ANXA8L1: variants seen among roughly 807,000 people sequenced by gnomAD.
The protein encoded by ANXA8L1 is annexin A8-like protein 1.
ANXA8L1 carries 10 observed loss-of-function variants against 22.5 expected under a neutral mutation model. That is an observed-to-expected ratio of 0.44 (90% CI 0.27 to 0.75). The LOEUF is 0.75. ANXA8L1 is among the 30% of genes least tolerant of loss of function. The pLI is 0.15. For missense variants in ANXA8L1, 88 were observed against 219.6 expected (o/e 0.40, Z 3.79); for synonymous variants, 36 against 86.0 (o/e 0.42, Z 3.22).
At position 46,384,766 on chromosome 10, in the gene ANXA8L1, G is replaced by C. The variant is rs1840014552; in HGVS notation, c.493-8G>C. The C allele has an allele frequency of 3.7e-6, 6 of 1,613,074 alleles. No individual in the cohort carries two copies. The highest frequency in any genetic ancestry group is 3.3e-5 in the Admixed American group (2 of 59,940). ...CCTGCCTTACAGAGCCACCTCCTCT[G>C]TTCCTAGGGCAGCAGGGATGATGTG... On this transcript the variant is annotated splice_region_variant and splice_polypyrimidine_tract_variant and intron_variant, in intron 6 of 11. Transcript: ENST00000619162.
chr10:46,376,056 C>A, intron 1 of ANXA8L1, 184 bp downstream of exon 1: 1 of 970,886 alleles, frequency 1.0e-6, no homozygotes, highest in Non-Finnish European at 1.6e-6. Context: ...CCTAGAGTGC[C>A]CACGGCAGGG....
chr10:46,385,923 C>G, intron 9 of ANXA8L1, 116 bp downstream of exon 9: 1 of 162,246 alleles, frequency 6.2e-6, no homozygotes, highest in Non-Finnish European at 1.2e-5. Flanking sequence ...GTCACCTTCA[C>G]GGGATGTCCC....
At chr10:46,381,413 C>G in intron 3 of ANXA8L1, 173 bp downstream of exon 3, 1 of 802,240 alleles carries the variant, frequency 1.2e-6, no homozygotes, top group Non-Finnish European at 1.9e-6. Context: ...TCAAATGTAA[C>G]TGGCTGCCCT....
intron 1 of ANXA8L1, among the ~76,000 whole-genome samples, chr10:46,377,661 G>T (rs1441241240): frequency 4.4e-5 from 4 of 90,810 alleles, no homozygotes; most frequent in African/African-American, 1.6e-4. Flanking sequence ...GCCAGGAACG[G>T]GATGGGAGGA....
At chr10:46,389,471 A>T (rs541246427) in intron 11 of ANXA8L1, among the ~76,000 whole-genome samples, 96 of 149,594 alleles carry the variant, frequency 6.4e-4, no homozygotes, top group Non-Finnish European at 1.1e-3. Context: ...CCCTCTTCAA[A>T]TTTTATCTAA....
At position 46,383,670 on chromosome 10, in the gene ANXA8L1, C is replaced by T. The variant is rs1354354790; in HGVS notation, c.412+124C>T. On this transcript the variant is annotated intron_variant, in intron 5 of 11. Coordinates refer to ENST00000619162, the MANE Select transcript of ANXA8L1 (RefSeq NM_001098845.3). ...AGGACCCTTTGGGGACTTTTTTACCCACAGGTGCTGAGCACCTACCGTATG... is the reference window on the plus strand; with the variant it reads ...AGGACCCTTTGGGGACTTTTTTACCTACAGGTGCTGAGCACCTACCGTATG... 159 of 263,798 alleles carry T rather than the reference C, an allele frequency of 6.0e-4. No individual in the cohort carries two copies. In the East Asian group the frequency reaches 7.2e-3, roughly 12 times the overall value. The allele number at this position is 263,798 out of a possible 1,614,324, so 16.3% of individuals were successfully genotyped here.
rs1413234326 is a variant in ANXA8L1, at chr10:46,385,624, G to A, written c.647-88G>A. ...CCAGCCACCAGTGGGAGGTCAGGGC[G>A]GCAAATTGATGTGCGATCTCTGATC... On this transcript the variant is annotated intron_variant, in intron 8 of 11. Transcript: ENST00000619162. 29 of 384,158 alleles carry A rather than the reference G, an allele frequency of 7.5e-5. 4 individuals are homozygous for A. The highest frequency in any genetic ancestry group is 1.6e-4 in the African/African-American group (3 of 18,342). The allele number at this position is 384,158 out of a possible 1,614,324, so 23.8% of individuals were successfully genotyped here. A position where few individuals can be genotyped will look rare whatever the true frequency, so the allele number is the denominator to read the frequency against.
chr10:46,391,028 C>T lies in ANXA8L1; in HGVS notation c.*98C>T, dbSNP rs1554975634. ...CGCAGGTTGGGTGTGAGGGGGGTCC[C>T]AGCCTTTCGGTCTTCTATTTCCCTA... is the stretch of plus-strand genomic sequence containing the variant. On this transcript the variant is annotated 3_prime_UTR_variant, in exon 12 of 12. Coordinates refer to ENST00000619162, the MANE Select transcript of ANXA8L1 (RefSeq NM_001098845.3). The T allele has an allele frequency of 1.0e-6, 1 of 972,880 alleles. No individual in the cohort carries two copies. The highest frequency in any genetic ancestry group is 2.5e-5 in the East Asian group (1 of 39,800). 60.3% of individuals were successfully genotyped at this position (972,880 alleles called of 1,614,324 possible).
intron 1 of ANXA8L1, among the ~76,000 whole-genome samples, chr10:46,378,486 AC>A (rs1839957099): frequency 1.1e-5 from 1 of 93,342 alleles, no homozygotes; most frequent in Non-Finnish European, 2.1e-5. Context: ...ATCAGTACTT[AC>A]CTAGCACAAC....
rs1331876224 is a variant in ANXA8L1, at chr10:46,385,447, C to T, written c.620C>T (p.Thr207Met). 4.6e-5 allele frequency: 53 copies of T among 1,164,166 alleles called. 11 individuals are homozygous for T. The highest frequency in any genetic ancestry group is 3.6e-4 in the Admixed American group (16 of 44,538). 72.1% of individuals were successfully genotyped at this position (1,164,166 alleles called of 1,614,324 possible). The change falls in exon 8 of 12, where the codon ACG (threonine) becomes ATG (methionine). Residue 207 changes from threonine to methionine, a missense_variant. Thr to Met is a moderately conservative substitution (Grantham distance 81, BLOSUM62 -1). Transcript: ENST00000619162. Reference sequence around the variant, plus strand: ...ATGAAATTCATCACCATCCTGTGCACGCGCAGTGCCACTCACCTGCTGAGA... The same window carrying T: ...ATGAAATTCATCACCATCCTGTGCATGCGCAGTGCCACTCACCTGCTGAGA... ...DEMKFITILC[T>M]RSATHLLRVF...
At chr10:46,381,323 A>G in intron 3 of ANXA8L1, 83 bp downstream of exon 3, 3 of 824,382 alleles carry the variant, frequency 3.6e-6, no homozygotes, top group Non-Finnish European at 5.3e-6. Context: ...ATTCTGGACG[A>G]CTTTCCCCTA....
rs1218428941 is a variant in ANXA8L1, at chr10:46,384,831, C to G, written c.550C>G (p.Gln184Glu). The G allele has an allele frequency of 2.5e-6, 4 of 1,612,862 alleles. No homozygotes were observed. The highest frequency in any genetic ancestry group is 3.3e-5 in the Admixed American group (2 of 59,920). ...VDPALALQDA[Q>E]DLYAAGEKIR... ...CCCGGCACTGGCCCTCCAAGACGCA[C>G]AGGTGAGGCTGCGCCCAGCCGGCCA... Residue 184 changes from glutamine to glutamate, a missense_variant and splice_region_variant, in exon 7 of 12, where the codon CAG (glutamine) becomes GAG (glutamate). Coordinates refer to ENST00000619162, the MANE Select transcript of ANXA8L1 (RefSeq NM_001098845.3).
intron 11 of ANXA8L1, among the ~76,000 whole-genome samples, chr10:46,388,831 GA>G (rs2133016743): frequency 6.6e-6 from 1 of 151,648 alleles, no homozygotes; most frequent in East Asian, 1.9e-4. Flanking sequence ...AGCCACCTCT[GA>G]ATAGTCAATG....
chr10:46,391,253 G>A lies in ANXA8L1; in HGVS notation c.*323G>A, dbSNP rs1840082642. ...CTCCCTGCAGGAGCTTCCCAAGCTGGTCACAGAGTCTCCTGGGCACAGGTT... is the reference window on the plus strand; with the variant it reads ...CTCCCTGCAGGAGCTTCCCAAGCTGATCACAGAGTCTCCTGGGCACAGGTT... On this transcript the variant is annotated 3_prime_UTR_variant, in exon 12 of 12. Transcript: ENST00000619162. The A allele has an allele frequency of 4.7e-6, 1 of 212,694 alleles. No homozygotes were observed. The highest frequency in any genetic ancestry group is 5.9e-5 in the East Asian group (1 of 17,028). The allele number at this position is 212,694 out of a possible 1,614,324, so 13.2% of individuals were successfully genotyped here.
chr10:46,381,038 G>T, intron 2 of ANXA8L1, 108 bp from the exon 3 acceptor site: 1 of 343,994 alleles, frequency 2.9e-6, no homozygotes, highest in Middle Eastern at 7.1e-4. Flanking sequence ...CCAGGTGTCG[G>T]GTCCCAACTG....
At chr10:46,377,537 GGTCGTCCATACCCCAT>G (rs1839943226) in intron 1 of ANXA8L1, among the ~76,000 whole-genome samples, 1 of 112,798 alleles carries the variant, frequency 8.9e-6, no homozygotes, top group Admixed American at 9.8e-5. Flanking sequence ...ACCATACCCT[GGTCGTCCATACCCCAT>G]GTGAGAGCTG....
chr10:46,390,018 G>A (rs1840060387), intron 11 of ANXA8L1, among the ~76,000 whole-genome samples: 3 of 151,130 alleles, frequency 2.0e-5, no homozygotes. Context: ...AGTGTGGAAA[G>A]TGGGTCTAGC....
Position 46,382,609 on chromosome 10 carries a change from A to G in ANXA8L1, c.238A>G (p.Ser80Gly). 1 of 1,288,976 alleles carries G rather than the reference A, an allele frequency of 7.8e-7. No homozygotes were observed. Among genetic ancestry groups the G allele is most frequent in the Non-Finnish European group, 1.1e-6 (1 of 948,680 alleles). The allele number at this position is 1,288,976 out of a possible 1,614,324, so 79.8% of individuals were successfully genotyped here. A position where few individuals can be genotyped will look rare whatever the true frequency, so the allele number is the denominator to read the frequency against. The change falls in exon 4 of 12, where the codon AGT (serine) becomes GGT (glycine). Residue 80 changes from serine to glycine, a missense_variant. Physicochemically the swap from Ser to Gly is moderately conservative, Grantham distance 56 (BLOSUM62 0). Coordinates refer to ENST00000619162, the MANE Select transcript of ANXA8L1 (RefSeq NM_001098845.3). ...CACTGAGACCTTGAAGTCTGAGCTC[A>G]GTGGCAAGTTTGAGAGGCTCATTGT... ...DLTETLKSEL[S>G]GKFERLIVAL...
intron 7 of ANXA8L1, 100 bp downstream of exon 7, chr10:46,384,933 A>C (rs1252916561): frequency 3.8e-6 from 6 of 1,568,650 alleles, no homozygotes; most frequent in East Asian, 2.2e-5. Context: ...GCTGGGACCC[A>C]CCCAGCTCAG....
Sources: allele counts gnomAD v4.1 joint callset (sites outside exome capture counted in the v4.1 genomes callset), GRCh38; gene constraint gnomAD v4.1.1; transcripts MANE v1.5; gene names NCBI Gene and HGNC (gene_info 2026-07-23, HGNC 2026-07-21).